LARGE1: variants seen among roughly 807,000 people sequenced by gnomAD.
The protein encoded by LARGE1 is LARGE xylosyl- and glucuronyltransferase 1.
In LARGE1, 43 loss-of-function variants were observed where a neutral mutation model predicts 87.6. The observed-to-expected ratio is 0.49, with a 90% confidence interval of 0.38 to 0.63. The LOEUF is 0.63. LARGE1 is among the 30% of genes least tolerant of loss of function. The pLI is 0.00. For missense variants in LARGE1, 802 were observed against 1,000.2 expected (o/e 0.80, Z 2.67); for synonymous variants, 434 against 394.6 (o/e 1.10, Z -1.18).
At chr22:33,556,596 C>CAGGT (rs982385759) in intron 6 of LARGE1, among the ~76,000 whole-genome samples, 1 of 50,174 alleles carries the variant, frequency 2.0e-5, no homozygotes, top group African/African-American at 5.4e-5. Context: ...GGAAGGCAGG[C>CAGGT]AGGTAGGGAG....
chr22:33,440,162 G>A (rs1022389341), intron 6 of LARGE1, among the ~76,000 whole-genome samples: 2 of 152,154 alleles, frequency 1.3e-5, no homozygotes, highest in African/African-American at 2.4e-5. Context: ...TGCTCTAGGG[G>A]CCCATTATAC....
At chr22:33,554,547 C>G (rs1449499948) in intron 6 of LARGE1, among the ~76,000 whole-genome samples, 1 of 152,164 alleles carries the variant, frequency 6.6e-6, no homozygotes, top group East Asian at 1.9e-4. Context: ...GCTATTCACT[C>G]TACGTCCCCA....
intron 6 of LARGE1, chr22:33,562,775 G>A (rs539201436): frequency 6.6e-6 from 1 of 152,558 alleles, no homozygotes; most frequent in Admixed American, 6.5e-5. Flanking sequence ...GAATAAACGT[G>A]ATTTCCTAGC....
chr22:33,102,972 T>A, the LARGE1 span, among the ~76,000 whole-genome samples: 1 of 151,946 alleles, frequency 6.6e-6, no homozygotes, highest in African/African-American at 2.4e-5. Context: ...ATAGAAAGGA[T>A]CTTGGAGGTT....
chr22:33,464,892 T>TACACAC (rs34436418), intron 6 of LARGE1, among the ~76,000 whole-genome samples: 3 of 139,418 alleles, frequency 2.2e-5, no homozygotes, highest in Admixed American at 7.1e-5. Context: ...TGCACACACA[T>TACACAC]ACACACACAC....
intron 10 of LARGE1, among the ~76,000 whole-genome samples, chr22:33,319,847 C>A (rs1936545629): frequency 6.6e-6 from 1 of 152,154 alleles, no homozygotes; most frequent in South Asian, 2.1e-4. Context: ...CTCCTGCCCA[C>A]CAAATGCTTA....
chr22:33,463,880 G>A (rs1412926193), intron 6 of LARGE1, among the ~76,000 whole-genome samples: 1 of 152,058 alleles, frequency 6.6e-6, no homozygotes, highest in Non-Finnish European at 1.5e-5. Flanking sequence ...CACCATGTTG[G>A]CCAGGCTGGT....
chr22:33,828,594 G>A (rs892038870), intron 1 of LARGE1, among the ~76,000 whole-genome samples: 1 of 152,188 alleles, frequency 6.6e-6, no homozygotes. Flanking sequence ...AGTAAGCGAC[G>A]TTGAGAAAGA....
chr22:33,712,683 TG>T (rs2082771567), intron 2 of LARGE1, among the ~76,000 whole-genome samples: 1 of 140,972 alleles, frequency 7.1e-6, no homozygotes. Flanking sequence ...TGTGTGTGTG[TG>T]TCTGCATGTG....
the LARGE1 span, among the ~76,000 whole-genome samples, chr22:33,153,133 A>T: frequency 6.6e-6 from 1 of 152,100 alleles, no homozygotes; most frequent in Non-Finnish European, 1.5e-5. Flanking sequence ...TAAACTCTGG[A>T]TCATCTCTTG....
At position 33,274,360 on chromosome 22, in the gene LARGE1, CG is replaced by C; in HGVS notation, c.*66del. 1 of 1,512,154 alleles carries C rather than the reference CG, an allele frequency of 6.6e-7. No homozygotes were observed. The highest frequency in any genetic ancestry group is 9.2e-7 in the Non-Finnish European group (1 of 1,087,520). The allele number at this position is 1,512,154 out of a possible 1,614,324, so 93.7% of individuals were successfully genotyped here. ...ATGGCTCAATTTTGAATTTGAAGGC[CG>C]GGCCCCAAACAGCGAGTGGCACTTC... is the stretch of plus-strand genomic sequence containing the variant. On this transcript the variant is annotated 3_prime_UTR_variant, in exon 15 of 15. Transcript: ENST00000397394.
At chr22:33,390,819 G>C (rs1428048409) in intron 7 of LARGE1, among the ~76,000 whole-genome samples, 1 of 151,756 alleles carries the variant, frequency 6.6e-6, no homozygotes, top group East Asian at 1.9e-4. Flanking sequence ...TCAGCCTCCT[G>C]AGTAAGTAGG....
chr22:33,353,235 C>A (rs746732216), intron 9 of LARGE1, among the ~76,000 whole-genome samples: 1 of 152,128 alleles, frequency 6.6e-6, no homozygotes, highest in Non-Finnish European at 1.5e-5. Context: ...ATGAAGTCAC[C>A]ATAATTTCTG....
intron 5 of LARGE1, among the ~76,000 whole-genome samples, chr22:33,604,190 C>T (rs2079186481): frequency 6.6e-6 from 1 of 152,212 alleles, no homozygotes; most frequent in Non-Finnish European, 1.5e-5. Context: ...GGCCAATGCT[C>T]TCCAGCGTCT....
intron 7 of LARGE1, among the ~76,000 whole-genome samples, chr22:33,412,154 C>T (rs185188343): frequency 1.2e-4 from 18 of 152,042 alleles, no homozygotes; most frequent in African/African-American, 2.2e-4. Flanking sequence ...CGTGGTGGCA[C>T]GCGCTTGTAG....
intron 7 of LARGE1, among the ~76,000 whole-genome samples, chr22:33,400,568 C>T (rs891432889): frequency 1.5e-4 from 23 of 152,292 alleles, no homozygotes; most frequent in South Asian, 6.2e-4. Context: ...AGATGCTTCA[C>T]GGCACACGAT....
At chr22:33,117,600 G>A in the LARGE1 span, among the ~76,000 whole-genome samples, 3 of 152,078 alleles carry the variant, frequency 2.0e-5, no homozygotes, top group Admixed American at 2.0e-4. Flanking sequence ...CTATAAGTTG[G>A]TGAGCTTGGT....
chr22:33,581,313 C>T (rs185277028), intron 5 of LARGE1, among the ~76,000 whole-genome samples: 37 of 152,286 alleles, frequency 2.4e-4, no homozygotes, highest in Admixed American at 2.0e-4. Flanking sequence ...AATTAAGAGA[C>T]TGTGAAGCAT....
chr22:33,466,715 T>C (rs2142927), intron 6 of LARGE1, among the ~76,000 whole-genome samples: 65,625 of 145,936 alleles, frequency 0.45, 14,950 homozygotes, highest in African/African-American at 0.61. Context: ...CACACACACA[T>C]ACACACACAC....
Sources: allele counts gnomAD v4.1 joint callset (sites outside exome capture counted in the v4.1 genomes callset), GRCh38; gene constraint gnomAD v4.1.1; transcripts MANE v1.5; gene names NCBI Gene and HGNC (gene_info 2026-07-23, HGNC 2026-07-21).